MTCL3: variants seen among roughly 807,000 people sequenced by gnomAD.
MTCL3 encodes the protein microtubule cross-linking factor 3.
chr6:127,504,607 A>T, the MTCL3 span, among the ~76,000 whole-genome samples: 5 of 152,256 alleles, frequency 3.3e-5, no homozygotes, highest in South Asian at 1.0e-3. Flanking sequence ...GCCTGAACGC[A>T]CCACATGGAC....
chr6:127,490,531 T>C, the MTCL3 span, among the ~76,000 whole-genome samples: 2 of 151,874 alleles, frequency 1.3e-5, no homozygotes, highest in Non-Finnish European at 2.9e-5. Context: ...AGAATATTCA[T>C]GATTGGGCCA....
chr6:127,505,309 A>G, the MTCL3 span, among the ~76,000 whole-genome samples: 1 of 152,236 alleles, frequency 6.6e-6, no homozygotes, highest in Non-Finnish European at 1.5e-5. Flanking sequence ...AGAATGTGGT[A>G]CATATTCACC....
chr6:127,484,834 C>T, the MTCL3 span, among the ~76,000 whole-genome samples: 1 of 152,174 alleles, frequency 6.6e-6, no homozygotes, highest in South Asian at 2.1e-4. Context: ...TTTTTAAACA[C>T]TCCTTTTAGC....
At chr6:127,473,217 T>C in the MTCL3 span, 1 of 1,406,968 alleles carries the variant, frequency 7.1e-7, no homozygotes, top group Non-Finnish European at 9.3e-7. Context: ...TTACTTCTTG[T>C]CTTGAAGGGT....
the MTCL3 span, chr6:127,475,450 T>G: frequency 1.1e-5 from 17 of 1,613,102 alleles, no homozygotes; most frequent in East Asian, 3.8e-4. The surrounding 1 kb of genome is among the most constrained non-coding windows in gnomAD (Gnocchi z 7.3). Context: ...GCCGTCGTCC[T>G]CCTCGTCCAT....
At chr6:127,473,100 G>A in the MTCL3 span, 2 of 1,162,192 alleles carry the variant, frequency 1.7e-6, no homozygotes, top group African/African-American at 1.6e-5. Context: ...TTAGTGTTTG[G>A]GCTTCTTATT....
At chr6:127,492,318 C>CT in the MTCL3 span, among the ~76,000 whole-genome samples, 97,438 of 151,768 alleles carry the variant, frequency 0.64, 31,450 homozygotes, top group East Asian at 0.74. Flanking sequence ...TTCTTCACCC[C>CT]GGGATTAAAA....
chr6:127,507,531 T>TA, the MTCL3 span, among the ~76,000 whole-genome samples: 1 of 152,208 alleles, frequency 6.6e-6, no homozygotes, highest in South Asian at 2.1e-4. Context: ...CATGGAACTG[T>TA]ATATCTAATT....
the MTCL3 span, chr6:127,473,087 A>G: frequency 8.7e-7 from 1 of 1,145,820 alleles, no homozygotes; most frequent in Non-Finnish European, 1.1e-6. Context: ...TACCTGAAAT[A>G]TTTTAGTGTT....
the MTCL3 span, among the ~76,000 whole-genome samples, chr6:127,489,202 A>G: frequency 6.6e-6 from 1 of 152,108 alleles, no homozygotes; most frequent in Non-Finnish European, 1.5e-5. Context: ...TACTCTTTCA[A>G]TTGTTTTGGG....
At chr6:127,495,990 G>C in the MTCL3 span, among the ~76,000 whole-genome samples, 2 of 152,130 alleles carry the variant, frequency 1.3e-5, no homozygotes, top group Admixed American at 1.3e-4. Flanking sequence ...ACCATTTTGG[G>C]AGGCTGAGGC....
At chr6:127,477,202 GA>G in the MTCL3 span, among the ~76,000 whole-genome samples, 4 of 152,318 alleles carry the variant, frequency 2.6e-5, no homozygotes, top group East Asian at 5.8e-4. Flanking sequence ...TTTCCATCTA[GA>G]TCACATTTAA....
chr6:127,515,017 C>T, the MTCL3 span: 2 of 1,614,018 alleles, frequency 1.2e-6, no homozygotes, highest in Non-Finnish European at 1.7e-6. The surrounding 1 kb of genome is among the most constrained non-coding windows in gnomAD (Gnocchi z 4.3). Flanking sequence ...CTCATCTCGT[C>T]CATCTCGGTT....
chr6:127,474,830 C>G, the MTCL3 span, among the ~76,000 whole-genome samples: 1 of 152,172 alleles, frequency 6.6e-6, no homozygotes, highest in Non-Finnish European at 1.5e-5. Flanking sequence ...CCACCCTCCT[C>G]GGCCTCCTAG....
the MTCL3 span, among the ~76,000 whole-genome samples, chr6:127,491,968 T>A: frequency 1.3e-5 from 2 of 150,880 alleles, no homozygotes; most frequent in Non-Finnish European, 3.0e-5. Flanking sequence ...ACCTGTAAAA[T>A]CTGTTGGCAG....
At chr6:127,481,504 C>T in the MTCL3 span, 1 of 983,080 alleles carries the variant, frequency 1.0e-6, no homozygotes, top group Non-Finnish European at 1.2e-6. Flanking sequence ...AGGAACAGAG[C>T]AGGTACAGAG....
At chr6:127,489,120 C>T in the MTCL3 span, among the ~76,000 whole-genome samples, 1 of 152,144 alleles carries the variant, frequency 6.6e-6, no homozygotes, top group Non-Finnish European at 1.5e-5. Flanking sequence ...TTTGGTAATT[C>T]TCCCATTATC....
chr6:127,516,763 G>GTGA, the MTCL3 span: 1 of 1,341,380 alleles, frequency 7.5e-7, no homozygotes, highest in East Asian at 2.5e-5. Flanking sequence ...AGAGCAAAGG[G>GTGA]TGATATTGCT....
At chr6:127,516,015 G>T in the MTCL3 span, 10 of 1,584,214 alleles carry the variant, frequency 6.3e-6, no homozygotes, top group East Asian at 2.3e-5. Flanking sequence ...GAGCGCGTAC[G>T]CCTTTCCCTC....
Sources: gnomAD v4.1 joint callset for allele counts (sites outside exome capture counted in the v4.1 genomes callset) on GRCh38, gnomAD v4.1.1 for gene constraint, Gnocchi (gnomAD v3.1) non-coding constraint, MANE v1.5 for transcripts, NCBI Gene and HGNC (gene_info 2026-07-23, HGNC 2026-07-21) for gene names.